The following RAD51B variants were observed in gnomAD, a reference collection of about 807,000 sequenced individuals.
RAD51B encodes DNA repair protein RAD51 homolog 2.
A neutral mutation model predicts 42.2 loss-of-function variants in RAD51B; 38 were observed. That is an observed-to-expected ratio of 0.90 (90% confidence interval 0.70 to 1.18). The LOEUF (loss-of-function observed/expected upper bound fraction) is 1.18. RAD51B is among the 50% of genes most tolerant of loss of function. The probability of loss-of-function intolerance (pLI) is 0.00; values close to 1 mark genes in which losing one functional copy is unlikely to be tolerated. For missense variants in RAD51B, 373 were observed against 400.7 expected, an observed-to-expected ratio of 0.93 and a Z score of 0.59; for synonymous variants, 154 against 145.2, an observed-to-expected ratio of 1.06 and a Z score of -0.43.
chr14:67,991,876 A>G (rs1431205399), intron 7 of RAD51B, among the ~76,000 whole-genome samples: 2 of 152,170 alleles, frequency 1.3e-5, no homozygotes, highest in African/African-American at 4.8e-5. Context: ...AGCAAGATAA[A>G]ATTTACTGAG....
rs188829361 is a variant in RAD51B, at chr14:68,248,962, G to T, written c.757-42922G>T. 2.0e-5 allele frequency among the ~76,000 whole-genome samples: 3 copies of T among 152,390 alleles called. No individual in the cohort carries two copies. The East Asian group carries it at 5.8e-4, about 29-fold the overall frequency. The stretch of plus-strand genomic sequence containing the variant: ...GGGTCATGAAGGGTCTGGGGGTAAG[G>T]CACCTGAGTCCTTGCCCGAATGGCA... On this transcript the variant is annotated intron_variant, in intron 7 of 10. Coordinates refer to ENST00000471583, the MANE Select transcript of RAD51B (RefSeq NM_133510.4).
At chr14:68,025,365 G>A (rs1273020154) in intron 7 of RAD51B, among the ~76,000 whole-genome samples, 1 of 151,490 alleles carries the variant, frequency 6.6e-6, no homozygotes, top group African/African-American at 2.4e-5. Context: ...CATAGAATGA[G>A]TTATGGAGGA....
chr14:68,435,386 C>T lies in RAD51B; in HGVS notation c.957+23859C>T, dbSNP rs148281924. On this transcript the variant is annotated intron_variant, in intron 9 of 10. Coordinates refer to ENST00000471583, the MANE Select transcript of RAD51B (RefSeq NM_133510.4). ...TTCTTTTTTATGGCTGTATATGTACCGCATTTTCTTTATCCAGTCCACCAT... is the reference window on the plus strand; with the variant it reads ...TTCTTTTTTATGGCTGTATATGTACTGCATTTTCTTTATCCAGTCCACCAT... Among the ~76,000 whole-genome samples the T allele has an allele frequency of 3.5e-3, 539 of 152,110 alleles. 1 individual carries two copies. Among genetic ancestry groups the T allele is most frequent in the African/African-American group, 0.012 (497 of 41,510 alleles).
At chr14:68,012,854 T>C (rs2140333107) in intron 7 of RAD51B, among the ~76,000 whole-genome samples, 1 of 152,324 alleles carries the variant, frequency 6.6e-6, no homozygotes, top group East Asian at 1.9e-4. Context: ...GTTTATTCTC[T>C]GCTCTATTTG....
chr14:68,228,346 T>A (rs1199408240), intron 7 of RAD51B, among the ~76,000 whole-genome samples: 1 of 152,222 alleles, frequency 6.6e-6, no homozygotes, highest in Non-Finnish European at 1.5e-5. Context: ...AATGAAATTT[T>A]ATTAGCTTAA....
At chr14:68,616,134 G>C (rs1891820811), downstream of RAD51B, among the ~76,000 whole-genome samples, 1 of 152,078 alleles carries the variant, frequency 6.6e-6, no homozygotes, top group African/African-American at 2.4e-5. Context: ...GAACTCTACA[G>C]TACTTTATTA....
chr14:68,254,210 T>A (rs1215567999), intron 7 of RAD51B, among the ~76,000 whole-genome samples: 3 of 152,212 alleles, frequency 2.0e-5, no homozygotes, highest in African/African-American at 7.2e-5. Flanking sequence ...AATGATTTTG[T>A]GGAATCTCAT....
intron 10 of RAD51B, among the ~76,000 whole-genome samples, chr14:68,601,280 A>C (rs1212139009): frequency 1.3e-5 from 2 of 152,006 alleles, no homozygotes; most frequent in Non-Finnish European, 2.9e-5. Flanking sequence ...TGATGTAGGA[A>C]TGGCCTAGCT....
rs553703689 is a variant in RAD51B at position 67,851,903 on chromosome 14, G to T, written c.316-13100G>T. Among the ~76,000 whole-genome samples the T allele has an allele frequency of 1.3e-3, 195 of 152,166 alleles. 1 individual carries two copies. The highest frequency in any genetic ancestry group is 2.1e-3 in the Non-Finnish European group (140 of 67,962). Reference sequence around the variant, plus strand: ...CTGGCGGCCCAAGTCAGGAGGCCCTGCCCTGTAAGGAGCAGCAGGGGCTGG... The same window carrying T: ...CTGGCGGCCCAAGTCAGGAGGCCCTTCCCTGTAAGGAGCAGCAGGGGCTGG... On this transcript the variant is annotated intron_variant, in intron 4 of 10. Coordinates refer to ENST00000471583, the MANE Select transcript of RAD51B (RefSeq NM_133510.4).
intron 7 of RAD51B, among the ~76,000 whole-genome samples, chr14:68,004,288 G>A (rs1333512508): frequency 1.4e-5 from 2 of 143,442 alleles, no homozygotes; most frequent in South Asian, 2.2e-4. Flanking sequence ...AGCTGAGATC[G>A]CGCCACTGCA....
chr14:67,864,079 C>G (rs1390406719), intron 4 of RAD51B, among the ~76,000 whole-genome samples: 2 of 152,084 alleles, frequency 1.3e-5, no homozygotes, highest in Non-Finnish European at 2.9e-5. Flanking sequence ...GTGCCACACA[C>G]ATTTAAACCA....
At chr14:68,253,939 T>C (rs1412807484) in intron 7 of RAD51B, among the ~76,000 whole-genome samples, 1 of 152,254 alleles carries the variant, frequency 6.6e-6, no homozygotes, top group Non-Finnish European at 1.5e-5. Flanking sequence ...GAGAAAAATA[T>C]GCATCATTTA....
intron 9 of RAD51B, among the ~76,000 whole-genome samples, chr14:68,460,812 G>A (rs1259013945): frequency 2.0e-5 from 3 of 152,162 alleles, no homozygotes; most frequent in African/African-American, 7.2e-5. Context: ...AAGAATCTTG[G>A]CAGTGATTGA....
chr14:68,041,204 C>A (rs1466131283), intron 7 of RAD51B, among the ~76,000 whole-genome samples: 1 of 152,214 alleles, frequency 6.6e-6, no homozygotes, highest in Non-Finnish European at 1.5e-5. Context: ...TCCCCTTCGC[C>A]TCCTGCCACA....
chr14:67,863,261 C>T lies in RAD51B; in HGVS notation c.316-1742C>T, dbSNP rs115174634. 9.1e-3 allele frequency among the ~76,000 whole-genome samples: 1,350 copies of T among 148,414 alleles called. 20 individuals are homozygous for T. Among genetic ancestry groups the T allele is most frequent in the African/African-American group, 0.032 (1,275 of 40,106 alleles). On this transcript the variant is annotated intron_variant, in intron 4 of 10. Transcript: ENST00000471583. ...TTGCCTCAGCCTCTGGGATTACAGGCGTGTGCTAAACATTTGTGTTTTAAG... is the reference window on the plus strand; with the variant it reads ...TTGCCTCAGCCTCTGGGATTACAGGTGTGTGCTAAACATTTGTGTTTTAAG...
chr14:67,951,914 G>A (rs1179582053), intron 7 of RAD51B, among the ~76,000 whole-genome samples: 3 of 151,914 alleles, frequency 2.0e-5, no homozygotes, highest in African/African-American at 7.3e-5. Flanking sequence ...CTGTTATTTT[G>A]CGTAAATAAC....
chr14:68,037,358 T>A (rs1204009404), intron 7 of RAD51B, among the ~76,000 whole-genome samples: 2 of 150,846 alleles, frequency 1.3e-5, no homozygotes, highest in Admixed American at 1.3e-4. Context: ...GTAGCTGGGA[T>A]TACAGGCACG....
intron 7 of RAD51B, among the ~76,000 whole-genome samples, chr14:68,266,135 G>A (rs1301396695): frequency 6.6e-6 from 1 of 152,228 alleles, no homozygotes; most frequent in African/African-American, 2.4e-5. Flanking sequence ...ACCAGGAGCT[G>A]TAGGGTTAGA....
chr14:68,589,543 A>G (rs960311910), intron 10 of RAD51B, among the ~76,000 whole-genome samples: 1 of 152,202 alleles, frequency 6.6e-6, no homozygotes, highest in Non-Finnish European at 1.5e-5. Context: ...CTCTGCTGCT[A>G]GAGGCCAGGC....
Sources: gnomAD v4.1 joint callset for allele counts (sites outside exome capture counted in the v4.1 genomes callset) on GRCh38, gnomAD v4.1.1 for gene constraint, MANE v1.5 for transcripts, NCBI Gene and HGNC (gene_info 2026-07-23, HGNC 2026-07-21) for gene names.